ZDHHC3: variants seen among roughly 807,000 people sequenced by gnomAD.
ZDHHC3 encodes the protein zDHHC palmitoyltransferase 3, also known as palmitoyltransferase ZDHHC3.
In ZDHHC3, 9 loss-of-function variants were observed where a neutral mutation model predicts 30.6. The ratio of observed to expected loss-of-function variants is 0.29; its 90% CI spans 0.18 to 0.51. ZDHHC3 has a LOEUF of 0.51. Ranked by LOEUF, ZDHHC3 falls within the 20% of genes least tolerant of loss-of-function variation. ZDHHC3 has a pLI of 0.97. For missense variants in ZDHHC3, 246 were observed against 384.2 expected, an observed-to-expected ratio of 0.64 and a Z score of 3.01; for synonymous variants, 136 against 140.2, an observed-to-expected ratio of 0.97 and a Z score of 0.21.
chr3:44,923,738 G>A lies in ZDHHC3; in HGVS notation c.*2951C>T. The A allele has an allele frequency of 1.1e-6, 1 of 917,290 alleles. No individual in the cohort carries two copies. Among genetic ancestry groups the A allele is most frequent in the Non-Finnish European group, 1.3e-6 (1 of 767,888 alleles). The allele number at this position is 917,290 out of a possible 1,614,324, so 56.8% of individuals were successfully genotyped here. ...GAATCACTTGAGCCCAGGAGTTCAA[G>A]GCTGCAGTGAGCTCTAATTGTGCCA... On this transcript the variant is annotated 3_prime_UTR_variant, in exon 7 of 7. Coordinates refer to ENST00000424952, the MANE Select transcript of ZDHHC3 (RefSeq NM_001135179.2).
In ZDHHC3 at chr3:44,917,555, CT is replaced by C. The variant is rs1350505956; in HGVS notation, c.*9133del. ...GCCAAAGGCAAGCTCTTTTCTGCCCCTGGGATGCCCTGTTCAAAAGCTCCCT... is the reference window on the plus strand; with the variant it reads ...GCCAAAGGCAAGCTCTTTTCTGCCCCGGGATGCCCTGTTCAAAAGCTCCCT... On this transcript the variant is annotated 3_prime_UTR_variant, in exon 7 of 7. Transcript: ENST00000424952. The C allele has an allele frequency of 4.6e-6, 1 of 218,356 alleles. No homozygotes were observed. Among genetic ancestry groups the C allele is most frequent in the Non-Finnish European group, 9.3e-6 (1 of 107,524 alleles). The allele number at this position is 218,356 out of a possible 1,614,324, so 13.5% of individuals were successfully genotyped here. A position where few individuals can be genotyped will look rare whatever the true frequency, so the allele number is the denominator to read the frequency against.
In ZDHHC3 at chr3:44,926,215, C is replaced by T; in HGVS notation, c.*474G>A. On this transcript the variant is annotated 3_prime_UTR_variant, in exon 7 of 7. Coordinates refer to ENST00000424952, the MANE Select transcript of ZDHHC3 (RefSeq NM_001135179.2). ...TCTCAGGCCTCAAGGGGTAAGCATCCATCTTCGGTGAGGTTTTATGTCCCA... is the reference window on the plus strand; with the variant it reads ...TCTCAGGCCTCAAGGGGTAAGCATCTATCTTCGGTGAGGTTTTATGTCCCA... 2 of 986,070 alleles carry T rather than the reference C, an allele frequency of 2.0e-6. No homozygotes were observed. Among genetic ancestry groups the T allele is most frequent in the Non-Finnish European group, 2.4e-6 (2 of 830,378 alleles). 61.1% of individuals were successfully genotyped at this position (986,070 alleles called of 1,614,324 possible).
At position 44,925,518 on chromosome 3, in the gene ZDHHC3, A is replaced by T. The variant is rs1160426193; in HGVS notation, c.*1171T>A. 15 of 985,370 alleles carry T rather than the reference A, an allele frequency of 1.5e-5. No individual in the cohort carries two copies. Among genetic ancestry groups the T allele is most frequent in the Non-Finnish European group, 1.7e-5 (14 of 829,950 alleles). 61.0% of individuals were successfully genotyped at this position (985,370 alleles called of 1,614,324 possible). A position where few individuals can be genotyped will look rare whatever the true frequency, so the allele number is the denominator to read the frequency against. On this transcript the variant is annotated 3_prime_UTR_variant, in exon 7 of 7. Transcript: ENST00000424952. ...AAGACTGACACAGGAAGTGCCTCTC[A>T]AATGGAAAATCTATTCTGTCCCAGT...
chr3:44,919,888 C>A lies in ZDHHC3; in HGVS notation c.*6801G>T, dbSNP rs1274881187. 9.8e-7 allele frequency: 1 copy of A among 1,019,912 alleles called. No homozygotes were observed. The highest frequency in any genetic ancestry group is 1.7e-5 in the African/African-American group (1 of 58,744). 63.2% of individuals were successfully genotyped at this position (1,019,912 alleles called of 1,614,324 possible). On this transcript the variant is annotated 3_prime_UTR_variant, in exon 7 of 7. Transcript: ENST00000424952. ...ATCTGAGACAAAGATTTATGCAATA[C>A]AAACTTGAACACTGAATTATAATAA...
At chr3:44,966,474 CTGATA>C (rs766675777) in intron 1 of ZDHHC3, among the ~76,000 whole-genome samples, 2 of 152,154 alleles carry the variant, frequency 1.3e-5, no homozygotes, top group African/African-American at 2.4e-5. Flanking sequence ...AGCATCTTTT[CTGATA>C]TGTCTATAAC....
Position 44,921,558 on chromosome 3 carries a change from T to C in ZDHHC3, c.*5131A>G, listed in dbSNP as rs911547350. The C allele has an allele frequency of 1.3e-5, 13 of 985,316 alleles. No homozygotes were observed. Among genetic ancestry groups the C allele is most frequent in the Non-Finnish European group, 1.6e-5 (13 of 829,946 alleles). 61.0% of individuals were successfully genotyped at this position (985,316 alleles called of 1,614,324 possible). A position where few individuals can be genotyped will look rare whatever the true frequency, so the allele number is the denominator to read the frequency against. Reference sequence around the variant, plus strand: ...TGAAAAACATGCTGGTTGCAAACCATGAATGGCTGTGACCAATGGTTTGAA... The same window carrying C: ...TGAAAAACATGCTGGTTGCAAACCACGAATGGCTGTGACCAATGGTTTGAA... On this transcript the variant is annotated 3_prime_UTR_variant, in exon 7 of 7. Coordinates refer to ENST00000424952, the MANE Select transcript of ZDHHC3 (RefSeq NM_001135179.2).
At chr3:44,970,411 A>G (rs1347937802) in intron 1 of ZDHHC3, among the ~76,000 whole-genome samples, 3 of 152,228 alleles carry the variant, frequency 2.0e-5, no homozygotes, top group African/African-American at 7.2e-5. Flanking sequence ...GTTTACTCCC[A>G]ATCCTGCCAC....
At chr3:44,937,990 C>CT (rs1312372231) in intron 3 of ZDHHC3, 14,665 of 337,338 alleles carry the variant, frequency 0.043, no homozygotes, top group South Asian at 0.064. Flanking sequence ...GGAAATACCA[C>CT]TTTTTTTTTT....
chr3:44,938,426 C>G (rs544497897), intron 3 of ZDHHC3: 1 of 220,492 alleles, frequency 4.5e-6, no homozygotes, highest in African/African-American at 2.3e-5. Context: ...TGGCCGCCAC[C>G]CTCATGACAT....
chr3:44,930,660 A>G (rs557262213), intron 5 of ZDHHC3, among the ~76,000 whole-genome samples: 145 of 152,362 alleles, frequency 9.5e-4, no homozygotes, highest in Non-Finnish European at 9.3e-4. Context: ...GAGCTTGGAA[A>G]GATACCAAGC....
intron 1 of ZDHHC3, among the ~76,000 whole-genome samples, chr3:44,972,394 C>T (rs561500159): frequency 3.3e-5 from 5 of 152,334 alleles, no homozygotes; most frequent in South Asian, 2.1e-4. Context: ...ACCCAGGAGG[C>T]GGAGGTTGCG....
At position 44,920,173 on chromosome 3, in the gene ZDHHC3, G is replaced by C. The variant is rs755371679; in HGVS notation, c.*6516C>G. The C allele has an allele frequency of 1.4e-5, 18 of 1,272,560 alleles. No homozygotes were observed. The highest frequency in any genetic ancestry group is 9.6e-5 in the Admixed American group (4 of 41,810). 78.8% of individuals were successfully genotyped at this position (1,272,560 alleles called of 1,614,324 possible). On this transcript the variant is annotated 3_prime_UTR_variant, in exon 7 of 7. Coordinates refer to ENST00000424952, the MANE Select transcript of ZDHHC3 (RefSeq NM_001135179.2). ...GTTGTTTCAGAAAATGGATCTTGTT[G>C]ACACAAGTCTAAAGGGACCTTCATG...
At position 44,921,068 on chromosome 3, in the gene ZDHHC3, T is replaced by C. The variant is rs1700556339; in HGVS notation, c.*5621A>G. On this transcript the variant is annotated 3_prime_UTR_variant, in exon 7 of 7. Coordinates refer to ENST00000424952, the MANE Select transcript of ZDHHC3 (RefSeq NM_001135179.2). Reference sequence around the variant, plus strand: ...TCAGGCTCAAGAGAACGAACAAAAATGGTTGATGCCTGGTAAGGGGGTCAT... The same window carrying C: ...TCAGGCTCAAGAGAACGAACAAAAACGGTTGATGCCTGGTAAGGGGGTCAT... 1.0e-6 allele frequency: 1 copy of C among 985,202 alleles called. No individual in the cohort carries two copies. Among genetic ancestry groups the C allele is most frequent in the Non-Finnish European group, 1.2e-6 (1 of 829,898 alleles). 61.0% of individuals were successfully genotyped at this position (985,202 alleles called of 1,614,324 possible).
At chr3:44,938,859 A>T (rs1251788946) in intron 3 of ZDHHC3, among the ~76,000 whole-genome samples, 1 of 152,250 alleles carries the variant, frequency 6.6e-6, no homozygotes, top group Non-Finnish European at 1.5e-5. Context: ...TTGTAGCCCA[A>T]GGAGAAGATG....
At position 44,959,416 on chromosome 3, in the gene ZDHHC3, G is replaced by T; in HGVS notation, c.21C>A (p.His7Gln). Residue 7 changes from histidine (H) to glutamine (Q), a missense_variant, in exon 2 of 7, where the codon CAC (histidine) becomes CAA (glutamine). Physicochemically the swap from His to Gln is conservative, Grantham distance 24. Coordinates refer to ENST00000424952, the MANE Select transcript of ZDHHC3 (RefSeq NM_001135179.2). The surrounding 1 kb of genome is among the most constrained non-coding windows in gnomAD (Gnocchi z 4.3). MMLIPT[H>Q]HFRNIERKPE... ...GTTTCCGCTCAATGTTTCGGAAGTG[G>T]TGGGTGGGGATAAGCATCATAAGCT... 6.2e-7 allele frequency: 1 copy of T among 1,614,076 alleles called. No individual in the cohort carries two copies. Among genetic ancestry groups the T allele is most frequent in the Non-Finnish European group, 8.5e-7 (1 of 1,179,922 alleles).
intron 2 of ZDHHC3, among the ~76,000 whole-genome samples, chr3:44,949,992 T>C (rs977067930): frequency 2.6e-5 from 4 of 152,164 alleles, no homozygotes; most frequent in African/African-American, 4.8e-5. Flanking sequence ...CAAGCCACCA[T>C]GTCCAGCTAA....
At position 44,918,244 on chromosome 3, in the gene ZDHHC3, G is replaced by C; in HGVS notation, c.*8445C>G. ...TAGCATAGCAGTGGCGGGGGGGGGG[G>C]CGGGGTGTCCACGGCATGGGTAAGA... On this transcript the variant is annotated 3_prime_UTR_variant, in exon 7 of 7. Coordinates refer to ENST00000424952, the MANE Select transcript of ZDHHC3 (RefSeq NM_001135179.2). 1 of 1,201,938 alleles carries C rather than the reference G, an allele frequency of 8.3e-7. No homozygotes were observed. Among genetic ancestry groups the C allele is most frequent in the Non-Finnish European group, 1.1e-6 (1 of 939,282 alleles). The allele number at this position is 1,201,938 out of a possible 1,614,324, so 74.5% of individuals were successfully genotyped here. A position where few individuals can be genotyped will look rare whatever the true frequency, so the allele number is the denominator to read the frequency against.
chr3:44,917,178 G>A lies in ZDHHC3; in HGVS notation c.*9511C>T, dbSNP rs1700233740. On this transcript the variant is annotated 3_prime_UTR_variant, in exon 7 of 7. Coordinates refer to ENST00000424952, the MANE Select transcript of ZDHHC3 (RefSeq NM_001135179.2). The stretch of plus-strand genomic sequence containing the variant: ...TGAAGACTCCAGTGTCTGTGGAATG[G>A]GGGCTCATTTTCGGTGCTACTGTCT... The A allele has an allele frequency of 6.6e-6, 1 of 152,620 alleles. No homozygotes were observed. Among genetic ancestry groups the A allele is most frequent in the Non-Finnish European group, 1.5e-5 (1 of 68,412 alleles). 9.5% of individuals were successfully genotyped at this position (152,620 alleles called of 1,614,324 possible).
At chr3:44,966,970 T>C (rs1466371196) in intron 1 of ZDHHC3, among the ~76,000 whole-genome samples, 1 of 152,212 alleles carries the variant, frequency 6.6e-6, no homozygotes, top group African/African-American at 2.4e-5. Flanking sequence ...CAGAGTGAGC[T>C]GGCCTGTTTT....
Sources: gnomAD v4.1 joint callset for allele counts (sites outside exome capture counted in the v4.1 genomes callset) on GRCh38, gnomAD v4.1.1 for gene constraint, Gnocchi (gnomAD v3.1) non-coding constraint, MANE v1.5 for transcripts, NCBI Gene and HGNC (gene_info 2026-07-23, HGNC 2026-07-21) for gene names.